Variants in PITPNC1 observed in about 807,000 individuals in gnomAD.
PITPNC1 encodes phosphatidylinositol transfer protein cytoplasmic 1.
Under a neutral mutation model 44.7 loss-of-function variants are expected in PITPNC1, and 18 were observed. That is an observed-to-expected ratio of 0.40 (90% CI 0.28 to 0.60). The LOEUF is 0.60. Among genes scored for constraint, PITPNC1 ranks in the 20% least tolerant of loss-of-function variants. The probability of loss-of-function intolerance (pLI) is 0.39; values close to 1 mark genes in which losing one functional copy is unlikely to be tolerated. For missense variants in PITPNC1, 290 were observed against 418.4 expected, an observed-to-expected ratio of 0.69 and a Z score of 2.68; for synonymous variants, 141 against 149.6, an observed-to-expected ratio of 0.94 and a Z score of 0.42.
intron 1 of PITPNC1, among the ~76,000 whole-genome samples, chr17:67,472,207 A>T (rs2039547236): frequency 6.6e-6 from 1 of 151,796 alleles, no homozygotes; most frequent in African/African-American, 2.4e-5. Flanking sequence ...GTAAGCTGCT[A>T]ATTTCCCTTT....
intron 1 of PITPNC1, among the ~76,000 whole-genome samples, chr17:67,467,540 G>T (rs1299642788): frequency 6.6e-6 from 1 of 152,000 alleles, no homozygotes; most frequent in East Asian, 1.9e-4. Context: ...AGTGGCTCTC[G>T]CAAAATTCTG....
intron 6 of PITPNC1, among the ~76,000 whole-genome samples, chr17:67,657,529 G>A (rs1186150136): frequency 6.6e-6 from 1 of 150,710 alleles, no homozygotes; most frequent in African/African-American, 2.5e-5. Context: ...TCTAGTCCCA[G>A]CCCTATTGCC....
Position 67,382,571 on chromosome 17 carries a change from A to G in PITPNC1, c.48+4369A>G, listed in dbSNP as rs539160328. ...TTGCTATAGAGAGAAAGTTGTCATT[A>G]TCTTCATTTGAAACATTTGGTAGAC... On this transcript the variant is annotated intron_variant, in intron 1 of 8. Coordinates refer to ENST00000581322, the MANE Select transcript of PITPNC1 (RefSeq NM_012417.4). Among the ~76,000 whole-genome samples, 25 of 152,288 alleles carry G rather than the reference A, an allele frequency of 1.6e-4. No homozygotes were observed. In the South Asian group the frequency reaches 5.2e-3, roughly 32 times the overall value.
At chr17:67,584,905 G>A (rs1464611674) in intron 5 of PITPNC1, among the ~76,000 whole-genome samples, 1 of 151,716 alleles carries the variant, frequency 6.6e-6, no homozygotes, top group Non-Finnish European at 1.5e-5. Context: ...ACCTGAGGTC[G>A]GGAGTTCGAG....
At chr17:67,638,853 A>G (rs1256982950) in intron 6 of PITPNC1, 1 of 152,348 alleles carries the variant, frequency 6.6e-6, no homozygotes, top group Non-Finnish European at 1.5e-5. Flanking sequence ...TCACACCTGT[A>G]ATCCCAGCAC....
In PITPNC1 at chr17:67,692,946, T is replaced by TA. The variant is rs1599012092; in HGVS notation, c.*60dup. The TA allele has an allele frequency of 4.3e-6, 5 of 1,153,414 alleles. No individual in the cohort carries two copies. The East Asian group carries it at 9.4e-5, about 22-fold the overall frequency. 71.4% of individuals were successfully genotyped at this position (1,153,414 alleles called of 1,614,324 possible). A position where few individuals can be genotyped will look rare whatever the true frequency, so the allele number is the denominator to read the frequency against. ...TTCATTTGTTGTTGTTGTTTTTTTT[T>TA]AAGAATCTTCTGATAGAGAAAAAGA... On this transcript the variant is annotated 3_prime_UTR_variant, in exon 9 of 9. Coordinates refer to ENST00000581322, the MANE Select transcript of PITPNC1 (RefSeq NM_012417.4).
At chr17:67,590,566 A>T (rs2144255183) in intron 5 of PITPNC1, among the ~76,000 whole-genome samples, 1 of 152,360 alleles carries the variant, frequency 6.6e-6, no homozygotes, top group Non-Finnish European at 1.5e-5. Context: ...ATTGAATGCT[A>T]AAACTAGTAT....
At chr17:67,685,096 T>G (rs768209335) in intron 8 of PITPNC1, among the ~76,000 whole-genome samples, 20 of 152,280 alleles carry the variant, frequency 1.3e-4, no homozygotes, top group Non-Finnish European at 8.8e-5. Flanking sequence ...ATTTCAGATA[T>G]ATTTGTGTTT....
chr17:67,382,781 CG>C (rs1243738973), intron 1 of PITPNC1, among the ~76,000 whole-genome samples: 2 of 151,778 alleles, frequency 1.3e-5, no homozygotes, highest in Admixed American at 6.6e-5. Flanking sequence ...CCCACCATCA[CG>C]CCAGGCTAAT....
intron 6 of PITPNC1, among the ~76,000 whole-genome samples, chr17:67,648,876 A>G (rs2042179527): frequency 6.6e-6 from 1 of 152,332 alleles, no homozygotes; most frequent in Non-Finnish European, 1.5e-5. Context: ...AAAGCTGGCT[A>G]TAGGCCCAGT....
At chr17:67,463,244 G>A (rs1033121065) in intron 1 of PITPNC1, among the ~76,000 whole-genome samples, 1 of 152,172 alleles carries the variant, frequency 6.6e-6, no homozygotes, top group African/African-American at 2.4e-5. Flanking sequence ...AATGAATATG[G>A]ATGGTGTTTC....
At chr17:67,512,568 C>T (rs1167382186) in intron 1 of PITPNC1, among the ~76,000 whole-genome samples, 2 of 150,946 alleles carry the variant, frequency 1.3e-5, no homozygotes, top group Admixed American at 1.3e-4. Context: ...AGGCTCTATC[C>T]TGTGTTCTCA....
chr17:67,382,276 C>T (rs1598597208), intron 1 of PITPNC1, among the ~76,000 whole-genome samples: 1 of 151,918 alleles, frequency 6.6e-6, no homozygotes, highest in Non-Finnish European at 1.5e-5. Context: ...AAGAACAGCT[C>T]TGGGCGATCA....
At chr17:67,668,445 A>G (rs921725126) in intron 6 of PITPNC1, among the ~76,000 whole-genome samples, 10 of 152,172 alleles carry the variant, frequency 6.6e-5, no homozygotes, top group African/African-American at 2.4e-4. Context: ...TCGTGAGGCC[A>G]GGTATGGTGG....
rs8074734 is a variant in PITPNC1 at position 67,631,671 on chromosome 17, T to A, written c.367-472T>A. 1.8e-3 allele frequency among the ~76,000 whole-genome samples: 127 copies of A among 69,670 alleles called. 10 individuals carry two copies. Among genetic ancestry groups the A allele is most frequent in the Admixed American group, 4.7e-3 (21 of 4,488 alleles). The allele number at this position is 69,670 out of a possible 152,430, so 45.7% of individuals were successfully genotyped here. ...AAAAAAAAAAAAATATATATATATA[T>A]AAAATATATATTTTTAACATATATA... On this transcript the variant is annotated intron_variant, in intron 5 of 8. Transcript: ENST00000581322.
intron 1 of PITPNC1, among the ~76,000 whole-genome samples, chr17:67,449,140 T>C (rs4247360): frequency 0.66 from 100,779 of 152,120 alleles, 33,649 homozygotes; most frequent in African/African-American, 0.71. Context: ...TCTTATTCTT[T>C]TTCCCTGTCA....
chr17:67,641,705 G>A (rs72839419), intron 6 of PITPNC1, among the ~76,000 whole-genome samples: 7,684 of 151,828 alleles, frequency 0.051, 311 homozygotes, highest in East Asian at 0.22. Flanking sequence ...ACTGAGGGAA[G>A]AGGATCACTT....
At chr17:67,594,020 T>A (rs1359306378) in intron 5 of PITPNC1, among the ~76,000 whole-genome samples, 2 of 152,204 alleles carry the variant, frequency 1.3e-5, no homozygotes, top group African/African-American at 4.8e-5. Flanking sequence ...GACAGCAATC[T>A]TGGGTCGTGG....
At position 67,676,063 on chromosome 17, in the gene PITPNC1, C is replaced by T. The variant is rs866489928; in HGVS notation, c.682+521C>T. On this transcript the variant is annotated intron_variant, in intron 8 of 8. Coordinates refer to ENST00000581322, the MANE Select transcript of PITPNC1 (RefSeq NM_012417.4). This position sits in a 1 kb window ranked among gnomAD's most constrained non-coding sequence, Gnocchi z 4.0. The stretch of plus-strand genomic sequence containing the variant: ...CTACTAAATAATACAAAAAATTAGC[C>T]GGGCATGGTGGCAGGCACCTGTAGT... 1.3e-5 allele frequency among the ~76,000 whole-genome samples: 2 copies of T among 152,012 alleles called. No homozygotes were observed. The highest frequency in any genetic ancestry group is 2.4e-5 in the African/African-American group (1 of 41,398).
Sources: allele counts gnomAD v4.1 joint callset (sites outside exome capture counted in the v4.1 genomes callset), GRCh38; gene constraint gnomAD v4.1.1; non-coding constraint Gnocchi (gnomAD v3.1); transcripts MANE v1.5; gene names NCBI Gene and HGNC (gene_info 2026-07-23, HGNC 2026-07-21).